UNC13C: variants seen among roughly 807,000 people sequenced by gnomAD.
UNC13C encodes protein unc-13 homolog C.
Under a neutral mutation model 245.4 loss-of-function variants are expected in UNC13C, and 174 were observed. The observed-to-expected ratio is 0.71, with a 90% CI of 0.63 to 0.80. The LOEUF (loss-of-function observed/expected upper bound fraction) is 0.80. Among genes scored for constraint, UNC13C ranks in the 30% least tolerant of loss-of-function variants. UNC13C has a pLI of 0.00. For synonymous variants in UNC13C, 992 were observed against 895.1 expected (o/e 1.11, Z -1.93); for missense variants, 2,829 against 2,602.9 (o/e 1.09, Z -1.89).
chr15:54,329,882 C>G (rs1051172970), intron 14 of UNC13C, among the ~76,000 whole-genome samples: 1 of 151,994 alleles, frequency 6.6e-6, no homozygotes, highest in African/African-American at 2.4e-5. Context: ...CTCCATGAAA[C>G]AGAAACTCAT....
In UNC13C at chr15:54,189,926, G is replaced by GA. The variant is rs139529336; in HGVS notation, c.3072-45098dup. Among the ~76,000 whole-genome samples the GA allele has an allele frequency of 0.01, 1,573 of 152,200 alleles. 63 individuals carry two copies. The East Asian group carries it at 0.11, about 10-fold the overall frequency. On this transcript the variant is annotated intron_variant, in intron 4 of 32. Transcript: ENST00000260323. ...AATAGAAGTGATTTAGGTAATTCAG[G>GA]AAAAAACTTAGAAACATATTATGTA...
chr15:54,619,188 C>T (rs57292695), intron 30 of UNC13C, among the ~76,000 whole-genome samples: 21,072 of 152,020 alleles, frequency 0.14, 1,506 homozygotes, highest in Middle Eastern at 0.23. Context: ...AAATGTGAGC[C>T]TTTCTCCATG....
At chr15:54,597,352 C>T (rs751375424) in intron 30 of UNC13C, among the ~76,000 whole-genome samples, 19 of 152,128 alleles carry the variant, frequency 1.2e-4, no homozygotes, top group Admixed American at 5.9e-4. Context: ...CTACCAGGTA[C>T]GTTAGGAGAT....
chr15:53,904,046 T>C, the UNC13C span, among the ~76,000 whole-genome samples: 1 of 152,204 alleles, frequency 6.6e-6, no homozygotes, highest in Non-Finnish European at 1.5e-5. Flanking sequence ...ACACACCTAA[T>C]AATTTTTAAT....
At chr15:54,467,110 A>G (rs1336953931) in intron 19 of UNC13C, among the ~76,000 whole-genome samples, 2 of 151,822 alleles carry the variant, frequency 1.3e-5, no homozygotes, top group Non-Finnish European at 3.0e-5. Flanking sequence ...GCACAAAACC[A>G]TATTATCTAT....
intron 25 of UNC13C, among the ~76,000 whole-genome samples, chr15:54,526,827 G>C (rs1895490320): frequency 6.6e-6 from 1 of 150,654 alleles, no homozygotes; most frequent in African/African-American, 2.4e-5. Flanking sequence ...TTGTGTTTTA[G>C]AAAGATCCAC....
Position 54,622,390 on chromosome 15 carries a change from G to A in UNC13C, c.6170G>A (p.Gly2057Glu), listed in dbSNP as rs752792341. ...SVHVDITATP[G>E]TGDHKVTVKV... is the part of the protein sequence containing the mutation. ...CATGTGGACATCACTGCCACCCCAG[G>A]AACGGGAGATCATAAAGTCACTGTA... is the stretch of plus-strand genomic sequence containing the variant. Residue 2057 changes from glycine to glutamate, a missense_variant, in exon 31 of 33, where the codon GGA (glycine) becomes GAA (glutamate). By Grantham distance (98) the Gly-to-Glu change is moderately conservative (BLOSUM62 -2). Coordinates refer to ENST00000260323, the MANE Select transcript of UNC13C (RefSeq NM_001080534.3). The A allele has an allele frequency of 1.9e-6, 3 of 1,613,166 alleles. No individual in the cohort carries two copies. The highest frequency in any genetic ancestry group is 2.5e-6 in the Non-Finnish European group (3 of 1,179,422).
intron 2 of UNC13C, among the ~76,000 whole-genome samples, chr15:54,054,116 G>C (rs1244879980): frequency 1.3e-5 from 2 of 152,254 alleles, no homozygotes; most frequent in Admixed American, 1.3e-4. Flanking sequence ...AAGTATACTG[G>C]TTTCCTTTCT....
chr15:54,156,526 T>A, intron 4 of UNC13C, among the ~76,000 whole-genome samples: 1 of 152,118 alleles, frequency 6.6e-6, no homozygotes, highest in Non-Finnish European at 1.5e-5. Context: ...ATCTTATAAT[T>A]TAGAAGGTTC....
chr15:54,368,125 G>T (rs1055375397), intron 17 of UNC13C, among the ~76,000 whole-genome samples: 29 of 152,036 alleles, frequency 1.9e-4, no homozygotes, highest in African/African-American at 6.5e-4. Context: ...TCTCAGCCAT[G>T]CATTTCAGAG....
intron 19 of UNC13C, among the ~76,000 whole-genome samples, chr15:54,465,249 T>G (rs953119302): frequency 6.6e-5 from 10 of 152,084 alleles, no homozygotes; most frequent in Non-Finnish European, 1.2e-4. Context: ...CAGTTTACCC[T>G]AATACAGTCA....
chr15:54,284,069 T>G (rs1284708556), intron 10 of UNC13C, among the ~76,000 whole-genome samples: 1 of 152,226 alleles, frequency 6.6e-6, no homozygotes, highest in Non-Finnish European at 1.5e-5. Context: ...CTTTTGTTCC[T>G]CATTACAACC....
At chr15:54,037,960 C>A (rs1400143267) in intron 2 of UNC13C, among the ~76,000 whole-genome samples, 2 of 150,426 alleles carry the variant, frequency 1.3e-5, no homozygotes, top group Admixed American at 1.3e-4. Flanking sequence ...GTCTTTGAGG[C>A]AGCTTCTGAG....
At chr15:54,144,460 A>G (rs1255340285) in intron 4 of UNC13C, among the ~76,000 whole-genome samples, 2 of 152,124 alleles carry the variant, frequency 1.3e-5, no homozygotes, top group African/African-American at 2.4e-5. Context: ...AATCTTTACA[A>G]TGGCCGTATG....
chr15:54,264,985 A>G (rs2036517538), intron 9 of UNC13C, among the ~76,000 whole-genome samples: 1 of 152,028 alleles, frequency 6.6e-6, no homozygotes, highest in Non-Finnish European at 1.5e-5. Context: ...CGGCAGACTC[A>G]TAAATAAATC....
intron 7 of UNC13C, among the ~76,000 whole-genome samples, chr15:54,240,548 C>T (rs950130442): frequency 1.3e-5 from 2 of 152,174 alleles, no homozygotes; most frequent in African/African-American, 4.8e-5. Context: ...ACAGAACAGA[C>T]ACTAATGCCT....
rs770515155 is a variant in UNC13C at position 54,014,493 on chromosome 15, T to G, written c.1590T>G (p.Asp530Glu). 1 of 1,613,830 alleles carries G rather than the reference T, an allele frequency of 6.2e-7. No homozygotes were observed. Among genetic ancestry groups the G allele is most frequent in the Admixed American group, 1.7e-5 (1 of 59,952 alleles). ...AGCAAACCACAACCCATTATGCAGA[T>G]GCAACACCTCTCTGGCACTCACAGA... is the stretch of plus-strand genomic sequence containing the variant. The part of the protein sequence containing the change: ...LEKQTTTHYA[D>E]ATPLWHSQSD... The change falls in exon 2 of 33, where the codon GAT becomes GAG. Residue 530 changes from aspartate to glutamate, a missense_variant. Physicochemically the swap from Asp to Glu is conservative, Grantham distance 45 (BLOSUM62 2). Transcript: ENST00000260323.
chr15:54,287,874 C>G (rs1345439530), intron 10 of UNC13C, among the ~76,000 whole-genome samples: 1 of 152,126 alleles, frequency 6.6e-6, no homozygotes, highest in Non-Finnish European at 1.5e-5. Context: ...TGTATGTTTA[C>G]TTTAAATGAA....
At chr15:54,391,190 A>G (rs745711300) in intron 17 of UNC13C, among the ~76,000 whole-genome samples, 20 of 152,228 alleles carry the variant, frequency 1.3e-4, no homozygotes, top group Non-Finnish European at 2.5e-4. Flanking sequence ...TAATCACATT[A>G]CTTAAAATAT....
Sources: gnomAD v4.1 joint callset for allele counts (sites outside exome capture counted in the v4.1 genomes callset) on GRCh38, gnomAD v4.1.1 for gene constraint, MANE v1.5 for transcripts, NCBI Gene and HGNC (gene_info 2026-07-23, HGNC 2026-07-21) for gene names.